LYN: variants seen among roughly 807,000 people sequenced by gnomAD.
LYN encodes tyrosine-protein kinase Lyn.
LYN carries 12 observed loss-of-function variants against 65.0 expected under a neutral mutation model. The observed-to-expected ratio is 0.18, with a 90% CI of 0.12 to 0.30. The LOEUF is 0.30. Among genes scored for constraint, LYN ranks in the 10% least tolerant of loss-of-function variants. The pLI is 1.00. For synonymous variants in LYN, 222 were observed against 221.2 expected (o/e 1.00, Z -0.03); for missense variants, 380 against 623.2 (o/e 0.61, Z 4.16).
At chr8:55,954,134 G>A in intron 8 of LYN, 150 bp downstream of exon 8, 3 of 775,086 alleles carry the variant, frequency 3.9e-6, no homozygotes, top group Non-Finnish European at 6.2e-6. Flanking sequence ...TTGGGGCTGA[G>A]AACTGGCCTG....
intron 2 of LYN, among the ~76,000 whole-genome samples, chr8:55,943,003 C>T (rs917354545): frequency 6.6e-6 from 1 of 152,090 alleles, no homozygotes; most frequent in Non-Finnish European, 1.5e-5. Flanking sequence ...GGAAAAACAC[C>T]TCTAATTCTG....
At chr8:55,891,746 T>A (rs975639841) in intron 1 of LYN, among the ~76,000 whole-genome samples, 1 of 152,246 alleles carries the variant, frequency 6.6e-6, no homozygotes, top group Non-Finnish European at 1.5e-5. Context: ...AGTTGCTTGA[T>A]GAGCAGATAC....
chr8:55,945,849 T>C (rs1354302294), intron 2 of LYN, among the ~76,000 whole-genome samples: 5 of 152,130 alleles, frequency 3.3e-5, no homozygotes, highest in African/African-American at 1.2e-4. Flanking sequence ...GCCCTGACCA[T>C]GCAATTTTAT....
At chr8:55,942,333 A>ATATATATATG (rs1806637638) in intron 2 of LYN, among the ~76,000 whole-genome samples, 1 of 128,082 alleles carries the variant, frequency 7.8e-6, no homozygotes, top group African/African-American at 3.2e-5. Flanking sequence ...ATATATGTGT[A>ATATATATATG]TATATATATG....
chr8:55,880,062 C>T lies in LYN; in HGVS notation c.-47C>T. 1 of 317,696 alleles carries T rather than the reference C, an allele frequency of 3.1e-6. No homozygotes were observed. The highest frequency in any genetic ancestry group is 6.4e-6 in the Non-Finnish European group (1 of 156,382). The allele number at this position is 317,696 out of a possible 1,614,324, so 19.7% of individuals were successfully genotyped here. A position where few individuals can be genotyped will look rare whatever the true frequency, so the allele number is the denominator to read the frequency against. On this transcript the variant is annotated 5_prime_UTR_variant, in exon 1 of 13. Coordinates refer to ENST00000519728, the MANE Select transcript of LYN (RefSeq NM_002350.4). ...CGCGCCCCCCACTCTGAACTCAAGTCACCGTGGAGCTCCGCCGCCCCGAAA... is the reference window on the plus strand; with the variant it reads ...CGCGCCCCCCACTCTGAACTCAAGTTACCGTGGAGCTCCGCCGCCCCGAAA...
intron 1 of LYN, among the ~76,000 whole-genome samples, chr8:55,894,301 G>A (rs1292108214): frequency 6.6e-6 from 1 of 152,062 alleles, no homozygotes; most frequent in African/African-American, 2.4e-5. Flanking sequence ...CTGGGCTTAA[G>A]TGATCCTCCC....
intron 12 of LYN, among the ~76,000 whole-genome samples, chr8:56,004,864 A>G (rs1808631074): frequency 6.6e-6 from 1 of 152,062 alleles, no homozygotes; most frequent in Non-Finnish European, 1.5e-5. Context: ...AGCTCACTGT[A>G]GCCTTTAATT....
At chr8:55,902,358 C>T (rs373263234) in intron 1 of LYN, among the ~76,000 whole-genome samples, 208 of 135,700 alleles carry the variant, frequency 1.5e-3, no homozygotes, top group Middle Eastern at 0.012. Context: ...GATGGAATTT[C>T]GCTCTGTAGC....
In LYN at chr8:56,010,726, C is replaced by T; in HGVS notation, c.*616C>T. 4.5e-6 allele frequency: 1 copy of T among 220,342 alleles called. No homozygotes were observed. The highest frequency in any genetic ancestry group is 6.2e-5 in the East Asian group (1 of 16,100). The allele number at this position is 220,342 out of a possible 1,614,324, so 13.6% of individuals were successfully genotyped here. A position where few individuals can be genotyped will look rare whatever the true frequency, so the allele number is the denominator to read the frequency against. Reference sequence around the variant, plus strand: ...TTTCTTCTATGAACACTGCTCAGACCTGCTAGACATGCCATAGGAGTGGCG... The same window carrying T: ...TTTCTTCTATGAACACTGCTCAGACTTGCTAGACATGCCATAGGAGTGGCG... On this transcript the variant is annotated 3_prime_UTR_variant, in exon 13 of 13. Transcript: ENST00000519728.
chr8:55,939,538 G>GC (rs1806537868), intron 1 of LYN, among the ~76,000 whole-genome samples: 1 of 152,038 alleles, frequency 6.6e-6, no homozygotes, highest in African/African-American at 2.4e-5. Context: ...GCAGTGGGGG[G>GC]GGGACAGGGG....
chr8:55,942,069 T>G, intron 2 of LYN, 78 bp downstream of exon 2: 1 of 1,464,754 alleles, frequency 6.8e-7, no homozygotes, highest in Non-Finnish European at 9.3e-7. Context: ...CAGTCTGTAA[T>G]ATGTGCATGC....
intron 9 of LYN, among the ~76,000 whole-genome samples, chr8:55,967,517 T>G (rs1004077179): frequency 2.0e-5 from 3 of 152,018 alleles, no homozygotes; most frequent in Admixed American, 6.6e-5. Flanking sequence ...GGTTTCGCCA[T>G]GTTGGCCAGG....
At chr8:55,889,623 G>GAA (rs2130358765) in intron 1 of LYN, among the ~76,000 whole-genome samples, 1 of 152,274 alleles carries the variant, frequency 6.6e-6, no homozygotes, top group African/African-American at 2.4e-5. Context: ...GTTCTCTCTG[G>GAA]ATTGTTCACA....
At chr8:55,920,943 C>T (rs1212731289) in intron 1 of LYN, among the ~76,000 whole-genome samples, 5 of 152,112 alleles carry the variant, frequency 3.3e-5, no homozygotes, top group Admixed American at 1.3e-4. Flanking sequence ...GTGATCTGCC[C>T]GCCTTAGCCT....
chr8:55,919,989 G>A (rs989447485), intron 1 of LYN, among the ~76,000 whole-genome samples: 1 of 152,168 alleles, frequency 6.6e-6, no homozygotes, highest in Non-Finnish European at 1.5e-5. Flanking sequence ...CATGGCTTGA[G>A]GCTGAAAAAC....
intron 1 of LYN, among the ~76,000 whole-genome samples, chr8:55,892,895 C>G (rs1804996097): frequency 6.6e-6 from 1 of 151,996 alleles, no homozygotes; most frequent in Non-Finnish European, 1.5e-5. Context: ...TGTAACCACC[C>G]CCATGATCAA....
chr8:55,947,323 T>C (rs1358184426), intron 3 of LYN, among the ~76,000 whole-genome samples: 1 of 152,272 alleles, frequency 6.6e-6, no homozygotes, highest in Admixed American at 6.5e-5. Flanking sequence ...TATTTCCACA[T>C]CTTGGCTATT....
intron 1 of LYN, among the ~76,000 whole-genome samples, chr8:55,901,151 CT>C (rs1293060333): frequency 1.3e-5 from 2 of 151,924 alleles, no homozygotes; most frequent in Admixed American, 6.6e-5. Context: ...GTTCATAATG[CT>C]TTTTTTTCCC....
chr8:55,976,677 T>A (rs1038040857), intron 10 of LYN, among the ~76,000 whole-genome samples: 2 of 151,904 alleles, frequency 1.3e-5, no homozygotes, highest in African/African-American at 4.8e-5. Flanking sequence ...TGGAGCGTAG[T>A]AGGGTGGGCT....
Sources: gnomAD v4.1 joint callset for allele counts (sites outside exome capture counted in the v4.1 genomes callset) on GRCh38, gnomAD v4.1.1 for gene constraint, MANE v1.5 for transcripts, NCBI Gene and HGNC (gene_info 2026-07-23, HGNC 2026-07-21) for gene names.